Variants in CLN8 observed in about 807,000 individuals in gnomAD.
The protein encoded by CLN8 is CLN8 transmembrane ER and ERGIC protein.
Under a neutral mutation model 15.7 loss-of-function variants are expected in CLN8, and 14 were observed. That is an observed-to-expected ratio of 0.89 (90% CI 0.59 to 1.39). CLN8 has a LOEUF of 1.39. Among genes scored for constraint, CLN8 ranks in the 40% most tolerant of loss-of-function variants. CLN8 has a pLI of 0.00. For missense variants in CLN8, 415 were observed against 364.0 expected (o/e 1.14, Z -1.14); for synonymous variants, 188 against 151.0 (o/e 1.25, Z -1.80).
chr8:1,762,513 C>G (rs1011394376), upstream of CLN8: 37 of 152,220 alleles, frequency 2.4e-4, no homozygotes, highest in African/African-American at 7.7e-4. Flanking sequence ...GGCCTCCACA[C>G]ACATTTACCC....
upstream of CLN8, among the ~76,000 whole-genome samples, chr8:1,754,897 C>T (rs6558528): frequency 0.72 from 108,862 of 152,110 alleles, 39,201 homozygotes; most frequent in South Asian, 0.78. Context: ...AGAAGCAGGC[C>T]GGAAGTTCTT....
At chr8:1,754,545 A>T (rs1013660864), upstream of CLN8, among the ~76,000 whole-genome samples, 2 of 152,214 alleles carry the variant, frequency 1.3e-5, no homozygotes, top group African/African-American at 4.8e-5. Context: ...CCCAGGAAAT[A>T]ACGGATATTT....
rs1241160575 is a variant in CLN8, at chr8:1,780,830, G to T, written c.*263G>T. The T allele has an allele frequency of 1.3e-5, 7 of 553,862 alleles. No homozygotes were observed. The allele number at this position is 553,862 out of a possible 1,614,324, so 34.3% of individuals were successfully genotyped here. ...CAAGCATCTAGGAGAGGAGTCCATG[G>T]TGTCCAGGCATCGGGGCGTCACACC... On this transcript the variant is annotated 3_prime_UTR_variant, in exon 3 of 3. Transcript: ENST00000331222.
Position 1,781,391 on chromosome 8 carries a change from A to T in CLN8, c.*824A>T, listed in dbSNP as rs1361090028. 1 of 132,228 alleles carries T rather than the reference A, an allele frequency of 7.6e-6. No individual in the cohort carries two copies. The highest frequency in any genetic ancestry group is 1.6e-5 in the Non-Finnish European group (1 of 61,468). The allele number at this position is 132,228 out of a possible 1,614,324, so 8.2% of individuals were successfully genotyped here. A position where few individuals can be genotyped will look rare whatever the true frequency, so the allele number is the denominator to read the frequency against. ...AAAAAAAAAAAAAAAAAAAAATTCT[A>T]GACCGAAGTGTACGGCAGTGCCATC... On this transcript the variant is annotated 3_prime_UTR_variant, in exon 3 of 3. Transcript: ENST00000331222.
chr8:1,783,285 C>G lies in CLN8; in HGVS notation c.*2718C>G, dbSNP rs2129015997. 1 of 152,374 alleles carries G rather than the reference C, an allele frequency of 6.6e-6. No homozygotes were observed. Among genetic ancestry groups the G allele is most frequent in the East Asian group, 1.9e-4 (1 of 5,182 alleles). The allele number at this position is 152,374 out of a possible 1,614,324, so 9.4% of individuals were successfully genotyped here. ...ACGTGTGTGCTGCGTGCTTCACATC[C>G]TCTATTGAGAGTTACAGCAAGTGTT... On this transcript the variant is annotated 3_prime_UTR_variant, in exon 3 of 3. Transcript: ENST00000331222.
intron 1 of CLN8, among the ~76,000 whole-genome samples, chr8:1,756,966 A>G (rs1800685919): frequency 6.6e-6 from 1 of 152,082 alleles, no homozygotes; most frequent in South Asian, 2.1e-4. Flanking sequence ...TACAGGCATG[A>G]GCCACCATGC....
intron 1 of CLN8, among the ~76,000 whole-genome samples, chr8:1,769,242 G>A (rs777589503): frequency 2.6e-5 from 4 of 152,166 alleles, no homozygotes; most frequent in African/African-American, 4.8e-5. Flanking sequence ...TTTGCATCAG[G>A]TCCCAGGACT....
intron 1 of CLN8, among the ~76,000 whole-genome samples, chr8:1,768,710 C>A (rs969347198): frequency 6.6e-6 from 1 of 152,190 alleles, no homozygotes; most frequent in Admixed American, 6.5e-5. Flanking sequence ...GGTAAGCGGT[C>A]TCCCCTCCAG....
Position 1,780,898 on chromosome 8 carries a change from T to A in CLN8, c.*331T>A, listed in dbSNP as rs1046761982. ...GCTTTGAATGCTGGAAATGGCTTCATAGTGAAGTGCCTCCCACAGGGCGGG... is the reference window on the plus strand; with the variant it reads ...GCTTTGAATGCTGGAAATGGCTTCAAAGTGAAGTGCCTCCCACAGGGCGGG... On this transcript the variant is annotated 3_prime_UTR_variant, in exon 3 of 3. Coordinates refer to ENST00000331222, the MANE Select transcript of CLN8 (RefSeq NM_018941.4). The A allele has an allele frequency of 1.2e-5, 5 of 417,366 alleles. No individual in the cohort carries two copies. The highest frequency in any genetic ancestry group is 2.2e-5 in the Non-Finnish European group (5 of 230,620). The allele number at this position is 417,366 out of a possible 1,614,324, so 25.9% of individuals were successfully genotyped here.
chr8:1,761,856 T>G (rs1800805007), upstream of CLN8: 1 of 152,186 alleles, frequency 6.6e-6, no homozygotes, highest in South Asian at 2.1e-4. Context: ...GTTGTTAGGT[T>G]TTTCAATAGT....
In CLN8 at chr8:1,771,501, C is replaced by T. The variant is rs758707781; in HGVS notation, c.447C>T (p.Cys149=). ...HLFAFLGFLG[C]LVNLQAGHYL... ...TTGCCTTTCTTGGGTTTCTTGGCTG[C>T]TTGGTCAATCTCCAAGCTGGCCACT... Residue 149 remains cysteine (C), a synonymous_variant, in exon 2 of 3, where the codon TGC becomes TGT. Transcript: ENST00000331222. 1 of 1,614,216 alleles carries T rather than the reference C, an allele frequency of 6.2e-7. No individual in the cohort carries two copies. The highest frequency in any genetic ancestry group is 1.1e-5 in the South Asian group (1 of 91,086).
chr8:1,775,539 T>A (rs1307031420), intron 2 of CLN8, among the ~76,000 whole-genome samples: 1 of 152,248 alleles, frequency 6.6e-6, no homozygotes, highest in Non-Finnish European at 1.5e-5. Flanking sequence ...TCTCAAGCTT[T>A]GAGTTTTCTA....
upstream of CLN8, chr8:1,759,520 G>C (rs918829711): frequency 6.6e-6 from 1 of 152,242 alleles, no homozygotes; most frequent in Non-Finnish European, 1.5e-5. Flanking sequence ...GGGATGAGGA[G>C]TATGATATCA....
chr8:1,754,770 C>G (rs190173312), upstream of CLN8, among the ~76,000 whole-genome samples: 126 of 152,304 alleles, frequency 8.3e-4, no homozygotes, highest in Admixed American at 1.4e-3. Flanking sequence ...CATGCCTGCT[C>G]TGAGGATGCA....
rs2129015207 is a variant in CLN8, at chr8:1,780,302, A to G, written c.596A>G (p.His199Arg). Residue 199 changes from histidine (H) to arginine (R), a missense_variant, in exon 3 of 3, where the codon CAC (histidine) becomes CGC (arginine). By Grantham distance (29) the His-to-Arg change is conservative (BLOSUM62 0). Coordinates refer to ENST00000331222, the MANE Select transcript of CLN8 (RefSeq NM_018941.4). ...AAGCTCAACCAGTGGCTGATGATTC[A>G]CATGTTTCACTGCCGCATGGTTCTA... ...FWKLNQWLMI[H>R]MFHCRMVLTY... is the part of the protein sequence containing the mutation. The G allele has an allele frequency of 6.2e-7, 1 of 1,614,236 alleles. No individual in the cohort carries two copies. The highest frequency in any genetic ancestry group is 8.5e-7 in the Non-Finnish European group (1 of 1,180,054).
upstream of CLN8, among the ~76,000 whole-genome samples, chr8:1,755,125 A>G (rs557737937): frequency 1.1e-3 from 170 of 152,176 alleles, 3 homozygotes; most frequent in Non-Finnish European, 4.7e-4. Context: ...GACGTTCGTC[A>G]TTCCATGAAC....
At chr8:1,775,779 G>A (rs1259349381) in intron 2 of CLN8, among the ~76,000 whole-genome samples, 1 of 151,980 alleles carries the variant, frequency 6.6e-6, no homozygotes, top group Non-Finnish European at 1.5e-5. Context: ...TCAGAACATC[G>A]ACTCTTCAGT....
At chr8:1,779,027 T>C (rs546045719) in intron 2 of CLN8, among the ~76,000 whole-genome samples, 1 of 152,330 alleles carries the variant, frequency 6.6e-6, no homozygotes, top group African/African-American at 2.4e-5. Flanking sequence ...AACAGAATGC[T>C]GAACAGCTCA....
At chr8:1,761,694 A>G (rs572569803), upstream of CLN8, among the ~76,000 whole-genome samples, 35 of 152,260 alleles carry the variant, frequency 2.3e-4, no homozygotes, top group Non-Finnish European at 4.6e-4. Flanking sequence ...CTGAGGGGTC[A>G]GATCAGAGAT....
Sources: gnomAD v4.1 joint callset for allele counts (sites outside exome capture counted in the v4.1 genomes callset) on GRCh38, gnomAD v4.1.1 for gene constraint, MANE v1.5 for transcripts, NCBI Gene and HGNC (gene_info 2026-07-23, HGNC 2026-07-21) for gene names.